SLC25A13: variants seen among roughly 807,000 people sequenced by gnomAD.
The protein encoded by SLC25A13 is solute carrier family 25 member 13.
In SLC25A13, 70 loss-of-function variants were observed where a neutral mutation model predicts 85.5. That is an observed-to-expected ratio of 0.82 (90% confidence interval 0.68 to 1.00). SLC25A13 has a LOEUF of 1.00. Among genes scored for constraint, SLC25A13 ranks in the 50% least tolerant of loss-of-function variants. The pLI, the probability that SLC25A13 is intolerant of heterozygous loss-of-function variation, is 0.00. For missense variants in SLC25A13, 765 were observed against 819.8 expected (o/e 0.93, Z 0.82); for synonymous variants, 259 against 288.7 (o/e 0.90, Z 1.04).
At chr7:96,196,040 A>T (rs1172568254) in intron 5 of SLC25A13, among the ~76,000 whole-genome samples, 1 of 152,234 alleles carries the variant, frequency 6.6e-6, no homozygotes, top group Non-Finnish European at 1.5e-5. Context: ...AATGCTTTAG[A>T]TGTATAGTAG....
intron 13 of SLC25A13, among the ~76,000 whole-genome samples, chr7:96,158,486 T>C (rs183521134): frequency 5.3e-5 from 8 of 152,366 alleles, no homozygotes; most frequent in East Asian, 3.9e-4. Flanking sequence ...TAGATACTTA[T>C]AGCTACTTAA....
rs372426050 is a variant in SLC25A13 at position 96,159,797 on chromosome 7, T to C, written c.1311+10248A>G. Among the ~76,000 whole-genome samples, 9 of 152,344 alleles carry C rather than the reference T, an allele frequency of 5.9e-5. No individual in the cohort carries two copies. The South Asian group carries it at 8.3e-4, about 14-fold the overall frequency. On this transcript the variant is annotated intron_variant, in intron 13 of 17. Coordinates refer to ENST00000265631, the MANE Select transcript of SLC25A13 (RefSeq NM_014251.3). ...ATAATAAAATAAATTCTTACTCTAA[T>C]TGGATTCTGAGAAAGATACCAAACT...
intron 1 of SLC25A13, among the ~76,000 whole-genome samples, chr7:96,299,350 A>G (rs1265350573): frequency 6.6e-6 from 1 of 152,206 alleles, no homozygotes; most frequent in Non-Finnish European, 1.5e-5. Flanking sequence ...ACAGAGAATG[A>G]CCCAACACTT....
rs771894421 is a variant in SLC25A13 at position 96,296,918 on chromosome 7, G to A, written c.49C>T (p.Leu17Phe). Reference protein sequence around the residue: ...ALTKRADPAELRTIFLKYASI... With the variant: ...ALTKRADPAEFRTIFLKYASI... ...CTGACCTTCAAAAATATTGTTCTAA[G>A]CTCAGCTGGATCTGCTCTCTTGGTT... Residue 17 changes from leucine (L) to phenylalanine (F), a missense_variant, in exon 2 of 18, where the codon CTT (leucine) becomes TTT (phenylalanine). Coordinates refer to ENST00000265631, the MANE Select transcript of SLC25A13 (RefSeq NM_014251.3). The A allele has an allele frequency of 6.2e-7, 1 of 1,613,436 alleles. No homozygotes were observed. The highest frequency in any genetic ancestry group is 1.3e-5 in the African/African-American group (1 of 74,896).
chr7:96,129,319 A>C (rs574624306), intron 15 of SLC25A13, among the ~76,000 whole-genome samples: 271 of 152,346 alleles, frequency 1.8e-3, no homozygotes, highest in Non-Finnish European at 3.3e-3. Context: ...GAAGGCATTT[A>C]TAAAGACAAC....
At chr7:96,242,311 G>A (rs953912528) in intron 3 of SLC25A13, among the ~76,000 whole-genome samples, 2 of 152,146 alleles carry the variant, frequency 1.3e-5, no homozygotes, top group South Asian at 4.1e-4. Flanking sequence ...TTTATCCAAA[G>A]CTTTGGTCTC....
chr7:96,174,341 GCAAAGCAAGCATTCTTATC>G (rs1794131489), intron 11 of SLC25A13, among the ~76,000 whole-genome samples: 1 of 152,200 alleles, frequency 6.6e-6, no homozygotes, highest in African/African-American at 2.4e-5. Context: ...AACCATTTGG[GCAAAGCAAGCATTCTTATC>G]CAAAGCAAGC....
chr7:96,314,858 T>C (rs1324344858), intron 1 of SLC25A13, among the ~76,000 whole-genome samples: 1 of 152,032 alleles, frequency 6.6e-6, no homozygotes, highest in East Asian at 1.9e-4. Context: ...ACCTTTCAAC[T>C]CTCCCCACAC....
At chr7:96,243,718 T>C (rs1475908386) in intron 3 of SLC25A13, among the ~76,000 whole-genome samples, 17 of 151,048 alleles carry the variant, frequency 1.1e-4, no homozygotes, top group Non-Finnish European at 1.5e-4. Context: ...AGGAAAAGAG[T>C]TGGAGGACAG....
Position 96,184,603 on chromosome 7 carries a change from G to T in SLC25A13, c.1019-168C>A, listed in dbSNP as rs1210337986. On this transcript the variant is annotated intron_variant, in intron 10 of 17. Coordinates refer to ENST00000265631, the MANE Select transcript of SLC25A13 (RefSeq NM_014251.3). ...TTATATCTTTAATAAACAATTGAGG[G>T]TTTTCATTCAAGTATCCCCTAATAA... The T allele has an allele frequency of 5.7e-6, 4 of 700,970 alleles. No homozygotes were observed. The Admixed American group carries it at 1.1e-4, about 19-fold the overall frequency. 43.4% of individuals were successfully genotyped at this position (700,970 alleles called of 1,614,324 possible). A position where few individuals can be genotyped will look rare whatever the true frequency, so the allele number is the denominator to read the frequency against.
chr7:96,141,913 A>G (rs1792581440), intron 14 of SLC25A13, among the ~76,000 whole-genome samples: 1 of 152,224 alleles, frequency 6.6e-6, no homozygotes, highest in South Asian at 2.1e-4. Context: ...GCAATCACAA[A>G]AGTATGTCAA....
intron 13 of SLC25A13, 59 bp from the exon 14 acceptor site, chr7:96,146,755 A>G (rs1396590640): frequency 4.5e-6 from 7 of 1,561,142 alleles, no homozygotes; most frequent in Non-Finnish European, 6.2e-6. Flanking sequence ...TGGGTCAGGA[A>G]GAGATGAATG....
Position 96,121,757 on chromosome 7 carries a change from T to C in SLC25A13, c.1751-12A>G, listed in dbSNP as rs759064910. The C allele has an allele frequency of 3.7e-6, 6 of 1,613,906 alleles. No individual in the cohort carries two copies. Among genetic ancestry groups the C allele is most frequent in the Non-Finnish European group, 5.1e-6 (6 of 1,179,948 alleles). ...TCGAAATACACGAGCTTTAAAAAAA[T>C]GGAGAAATCACAGATATAATTAGAT... On this transcript the variant is annotated splice_polypyrimidine_tract_variant and intron_variant, in intron 16 of 17. Transcript: ENST00000265631.
intron 13 of SLC25A13, among the ~76,000 whole-genome samples, chr7:96,150,308 A>C (rs1233042398): frequency 6.6e-6 from 1 of 152,152 alleles, no homozygotes; most frequent in Non-Finnish European, 1.5e-5. Context: ...TCTCATTCTC[A>C]AGAAGCTTGA....
At chr7:96,139,945 C>CTTTTTTTTTTTT (rs59749381) in intron 14 of SLC25A13, among the ~76,000 whole-genome samples, 4 of 86,370 alleles carry the variant, frequency 4.6e-5, no homozygotes, top group Admixed American at 1.5e-4. Context: ...GATTTCCATT[C>CTTTTTTTTTTTT]TTTTTTTTTT....
chr7:96,145,956 A>C (rs1792767360), intron 14 of SLC25A13, among the ~76,000 whole-genome samples: 1 of 152,156 alleles, frequency 6.6e-6, no homozygotes, highest in African/African-American at 2.4e-5. Flanking sequence ...TTCATTGAAA[A>C]CTTGTGTATA....
At chr7:96,229,459 A>C (rs1796447568) in intron 4 of SLC25A13, among the ~76,000 whole-genome samples, 1 of 152,086 alleles carries the variant, frequency 6.6e-6, no homozygotes, top group Non-Finnish European at 1.5e-5. Context: ...TAAGGGAATA[A>C]AAGCAGGCTG....
intron 5 of SLC25A13, among the ~76,000 whole-genome samples, chr7:96,193,795 T>C (rs1165443494): frequency 6.6e-6 from 1 of 152,142 alleles, no homozygotes; most frequent in East Asian, 1.9e-4. Context: ...CCCTCTAAGG[T>C]CATAACAATC....
chr7:96,131,923 T>C (rs1366852039), intron 14 of SLC25A13, 42 bp from the exon 15 acceptor site: 3 of 1,613,090 alleles, frequency 1.9e-6, no homozygotes, highest in Non-Finnish European at 2.5e-6. Context: ...GAAACACATA[T>C]CCCATTGAGG....
Sources: gnomAD v4.1 joint callset for allele counts (sites outside exome capture counted in the v4.1 genomes callset) on GRCh38, gnomAD v4.1.1 for gene constraint, MANE v1.5 for transcripts, NCBI Gene and HGNC (gene_info 2026-07-23, HGNC 2026-07-21) for gene names.